The following WDR77 variants were observed in gnomAD, a reference collection of about 807,000 sequenced individuals.
WDR77 encodes methylosome protein WDR77.
In WDR77, 31 loss-of-function variants were observed where a neutral mutation model predicts 44.0. The observed-to-expected ratio is 0.70, with a 90% CI of 0.53 to 0.95. The LOEUF is 0.95. Ranked by LOEUF, WDR77 falls within the 40% of genes least tolerant of loss-of-function variation. The pLI, the probability that WDR77 is intolerant of heterozygous loss-of-function variation, is 0.00. For missense variants in WDR77, 390 were observed against 423.9 expected (o/e 0.92, Z 0.70); for synonymous variants, 186 against 165.7 (o/e 1.12, Z -0.94).
Position 111,440,591 on chromosome 1 carries a change from G to C in WDR77, c.*639C>G, listed in dbSNP as rs916165589. The C allele has an allele frequency of 2.0e-5, 3 of 152,186 alleles. No homozygotes were observed. Among genetic ancestry groups the C allele is most frequent in the African/African-American group, 2.4e-5 (1 of 41,422 alleles). The allele number at this position is 152,186 out of a possible 1,614,324, so 9.4% of individuals were successfully genotyped here. ...TATGTCCCATCACTAGGGAGCCAGG[G>C]GGAAGGGAGTGGGCATTACACAGGC... is the stretch of plus-strand genomic sequence containing the variant. On this transcript the variant is annotated 3_prime_UTR_variant, in exon 10 of 10. Transcript: ENST00000235090.
intron 2 of WDR77, 100 bp downstream of exon 2, chr1:111,448,519 G>GTA: frequency 7.0e-7 from 1 of 1,435,446 alleles, no homozygotes; most frequent in South Asian, 1.2e-5. Context: ...CAAGCACTGA[G>GTA]TATAGGACGT....
chr1:111,447,973 T>G (rs1427156396), intron 2 of WDR77, among the ~76,000 whole-genome samples: 3 of 152,254 alleles, frequency 2.0e-5, no homozygotes, highest in Non-Finnish European at 4.4e-5. Flanking sequence ...AGTAAGTATT[T>G]GCTGAACTAG....
intron 1 of WDR77, 78 bp from the exon 2 acceptor site, chr1:111,448,882 G>A (rs1436516575): frequency 6.5e-7 from 1 of 1,546,070 alleles, no homozygotes; most frequent in Non-Finnish European, 8.7e-7. Flanking sequence ...ACAGCGTTCC[G>A]GCCGGGTCTG....
In WDR77 at chr1:111,449,109, G is replaced by C. The variant is rs761520100; in HGVS notation, c.61C>G (p.Pro21Ala). 5.6e-6 allele frequency: 9 copies of C among 1,604,868 alleles called. No individual in the cohort carries two copies. The Admixed American group carries it at 1.3e-4, about 24-fold the overall frequency. Reference sequence around the variant, plus strand: ...CGTTCCATGCAGGCGGGCGCATTTGGGGGAAGATTCCACTCCCGGGCCGCC... The same window carrying C: ...CGTTCCATGCAGGCGGGCGCATTTGCGGGAAGATTCCACTCCCGGGCCGCC... ...PPAAREWNLPPNAPACMERQL... is the reference protein window; with the variant it reads ...PPAAREWNLPANAPACMERQL... Residue 21 changes from proline (P) to alanine (A), a missense_variant, in exon 1 of 10, where the codon CCA (proline) becomes GCA (alanine). Transcript: ENST00000235090.
In WDR77 at chr1:111,443,462, T is replaced by C. The variant is rs963130671; in HGVS notation, c.620-68A>G. The C allele has an allele frequency of 4.1e-5, 59 of 1,451,420 alleles. No individual in the cohort carries two copies. In the African/African-American group the frequency reaches 6.2e-4, roughly 15 times the overall value. The allele number at this position is 1,451,420 out of a possible 1,614,324, so 89.9% of individuals were successfully genotyped here. ...AGAAGAAGCAGTTTCTCAAATGATATCACTCTAAATCCTGGGAGCACCTTT... is the reference window on the plus strand; with the variant it reads ...AGAAGAAGCAGTTTCTCAAATGATACCACTCTAAATCCTGGGAGCACCTTT... On this transcript the variant is annotated intron_variant, in intron 6 of 9. Coordinates refer to ENST00000235090, the MANE Select transcript of WDR77 (RefSeq NM_024102.4).
At chr1:111,444,505 C>T (rs1034346772) in intron 4 of WDR77, among the ~76,000 whole-genome samples, 3 of 152,010 alleles carry the variant, frequency 2.0e-5, no homozygotes, top group South Asian at 2.1e-4. Flanking sequence ...GAGTTCTGGG[C>T]GCTAATAGTA....
chr1:111,443,640 T>G, intron 6 of WDR77: 2 of 984,966 alleles, frequency 2.0e-6, no homozygotes, highest in Non-Finnish European at 2.4e-6. Context: ...CCCTTTGTCC[T>G]ACCATCTAAT....
At chr1:111,448,553 G>A (rs778879045) in intron 2 of WDR77, 66 bp downstream of exon 2, 20 of 1,596,732 alleles carry the variant, frequency 1.3e-5, no homozygotes, top group Non-Finnish European at 1.6e-5. Context: ...CAACCCTACG[G>A]TACCCCAAGT....
intron 6 of WDR77, 157 bp from the exon 7 acceptor site, chr1:111,443,551 T>C: frequency 1.2e-6 from 1 of 826,214 alleles, no homozygotes. Context: ...TAACCATTTA[T>C]CCCAGCAGCC....
chr1:111,446,450 T>A (rs1163158486), intron 4 of WDR77, among the ~76,000 whole-genome samples: 1 of 151,460 alleles, frequency 6.6e-6, no homozygotes, highest in Non-Finnish European at 1.5e-5. Context: ...TCAAGATTTA[T>A]CCCTCAAGAA....
rs1369462691 is a variant in WDR77 at position 111,448,857 on chromosome 1, T to G, written c.116-53A>C. On this transcript the variant is annotated intron_variant, in intron 1 of 9. Transcript: ENST00000235090. The stretch of plus-strand genomic sequence containing the variant: ...TGAAGGGTAGAAGGGTTCGCCTCCA[T>G]GGAGACCGCACAGAACAGCGTTCCG... The G allele has an allele frequency of 2.6e-6, 4 of 1,550,190 alleles. No individual in the cohort carries two copies. The Admixed American group carries it at 7.8e-5, about 30-fold the overall frequency.
intron 2 of WDR77, among the ~76,000 whole-genome samples, chr1:111,448,322 G>C (rs1653139404): frequency 1.3e-5 from 2 of 152,196 alleles, no homozygotes; most frequent in South Asian, 4.1e-4. Flanking sequence ...TTAAAATCAA[G>C]ATTATGCTTG....
intron 8 of WDR77, among the ~76,000 whole-genome samples, chr1:111,442,349 C>G (rs953290481): frequency 6.6e-6 from 1 of 152,146 alleles, no homozygotes; most frequent in Non-Finnish European, 1.5e-5. Flanking sequence ...CAGCAATAAC[C>G]CAGAAACACA....
intron 7 of WDR77, 28 bp downstream of exon 7, chr1:111,443,295 C>A: frequency 1.3e-6 from 2 of 1,548,826 alleles, no homozygotes; most frequent in South Asian, 1.2e-5. Context: ...TTCCCAGAGT[C>A]AATATGAAGT....
At chr1:111,447,922 A>G (rs1366063484) in intron 2 of WDR77, among the ~76,000 whole-genome samples, 1 of 152,250 alleles carries the variant, frequency 6.6e-6, no homozygotes, top group Non-Finnish European at 1.5e-5. Flanking sequence ...TAAGCAGCAC[A>G]CTATCCAGTG....
chr1:111,442,877 C>T, intron 7 of WDR77, 116 bp from the exon 8 acceptor site: 1 of 649,422 alleles, frequency 1.5e-6, no homozygotes, highest in Non-Finnish European at 2.4e-6. Flanking sequence ...TCAGTTTTCT[C>T]TTTTGCAAAG....
At position 111,449,135 on chromosome 1, in the gene WDR77, G is replaced by C; in HGVS notation, c.35C>G (p.Pro12Arg). 1 of 1,594,084 alleles carries C rather than the reference G, an allele frequency of 6.3e-7. No individual in the cohort carries two copies. ...GGGAAGATTCCACTCCCGGGCCGCC[G>C]GGGGCACTAGGGGGGGTGGGGTTTC... The part of the protein sequence containing the change: ...RKETPPPLVP[P>R]AAREWNLPPN... The change falls in exon 1 of 10, where the codon CCG becomes CGG. Residue 12 changes from proline (P) to arginine (R), a missense_variant. Transcript: ENST00000235090.
rs765889862 is a variant in WDR77, at chr1:111,449,190, C to CGGTT, written c.-22_-21insAACC. The CGGTT allele has an allele frequency of 6.4e-7, 1 of 1,558,724 alleles. No individual in the cohort carries two copies. The highest frequency in any genetic ancestry group is 1.2e-5 in the South Asian group (1 of 85,730). On this transcript the variant is annotated 5_prime_UTR_variant, in exon 1 of 10. Coordinates refer to ENST00000235090, the MANE Select transcript of WDR77 (RefSeq NM_024102.4). Reference sequence around the variant, plus strand: ...CGCATCTCCACGGTTCCAACTCCAACCTAGACTCAAACTGGACGCCGGCCG... The same window carrying CGGTT: ...CGCATCTCCACGGTTCCAACTCCAACGGTTCTAGACTCAAACTGGACGCCGGCCG...
chr1:111,443,262 CTCTT>C (rs1479765563), intron 7 of WDR77, 57 bp downstream of exon 7: 5 of 1,494,150 alleles, frequency 3.3e-6, no homozygotes, highest in East Asian at 2.5e-5. Context: ...GTGGAGTCAG[CTCTT>C]TCTTTTTCCT....
Sources: gnomAD v4.1 joint callset for allele counts (sites outside exome capture counted in the v4.1 genomes callset) on GRCh38, gnomAD v4.1.1 for gene constraint, MANE v1.5 for transcripts, NCBI Gene and HGNC (gene_info 2026-07-23, HGNC 2026-07-21) for gene names.